FGGY: variants seen among roughly 807,000 people sequenced by gnomAD.
FGGY encodes FGGY carbohydrate kinase domain containing, also known as FGGY carbohydrate kinase domain-containing protein.
Under a neutral mutation model 71.3 loss-of-function variants are expected in FGGY, and 72 were observed. That is an observed-to-expected ratio of 1.01 (90% CI 0.84 to 1.23). The LOEUF (loss-of-function observed/expected upper bound fraction) is 1.23. Among genes scored for constraint, FGGY ranks in the 50% most tolerant of loss-of-function variants. The probability of loss-of-function intolerance (pLI) is 0.00; values close to 1 mark genes in which losing one functional copy is unlikely to be tolerated. For synonymous variants in FGGY, 251 were observed against 250.3 expected (o/e 1.00, Z -0.02); for missense variants, 668 against 682.3 (o/e 0.98, Z 0.23).
rs990855566 is a variant in FGGY at position 59,663,152 on chromosome 1, G to C, written c.1296+2859G>C. ...AAAGACGGTGCCTTGCCTACTGGTA[G>C]CTTAACACTGTAACCCTGTAAGTAG... On this transcript the variant is annotated intron_variant, in intron 12 of 15. Coordinates refer to ENST00000303721, the MANE Select transcript of FGGY (RefSeq NM_018291.5). 3.9e-5 allele frequency among the ~76,000 whole-genome samples: 6 copies of C among 152,174 alleles called. No homozygotes were observed. In the East Asian group the frequency reaches 9.6e-4, roughly 24 times the overall value.
chr1:59,723,882 T>A (rs2097917884), intron 14 of FGGY, among the ~76,000 whole-genome samples: 1 of 152,084 alleles, frequency 6.6e-6, no homozygotes, highest in African/African-American at 2.4e-5. Flanking sequence ...AAAAATCCCA[T>A]CTGGGCATGG....
At chr1:59,712,580 T>A (rs780466753) in intron 14 of FGGY, among the ~76,000 whole-genome samples, 1 of 152,244 alleles carries the variant, frequency 6.6e-6, no homozygotes, top group Non-Finnish European at 1.5e-5. Flanking sequence ...TTCTGAAATC[T>A]AGGCAGAGGT....
chr1:59,487,391 A>G (rs2093688300), intron 6 of FGGY, among the ~76,000 whole-genome samples: 2 of 152,110 alleles, frequency 1.3e-5, no homozygotes, highest in Non-Finnish European at 2.9e-5. Context: ...GATTGTAATT[A>G]TGGGTTAAAT....
intron 1 of FGGY, among the ~76,000 whole-genome samples, chr1:59,314,208 G>A (rs111493288): frequency 2.2e-3 from 338 of 152,132 alleles, no homozygotes; most frequent in Middle Eastern, 0.02. Flanking sequence ...CTTGTGATCC[G>A]CCCGTCTTGG....
chr1:59,377,465 T>A (rs748913937), intron 4 of FGGY, among the ~76,000 whole-genome samples: 23 of 152,190 alleles, frequency 1.5e-4, no homozygotes, highest in Non-Finnish European at 1.3e-4. Flanking sequence ...TGAGATCTTG[T>A]GAGAACTCAC....
intron 14 of FGGY, among the ~76,000 whole-genome samples, chr1:59,730,665 A>C (rs17557490): frequency 0.15 from 22,293 of 152,208 alleles, 2,153 homozygotes; most frequent in Admixed American, 0.29. Flanking sequence ...ATACAACTAA[A>C]ATAACAATAA....
At chr1:59,524,846 T>A (rs1043718158) in intron 7 of FGGY, among the ~76,000 whole-genome samples, 2 of 152,182 alleles carry the variant, frequency 1.3e-5, no homozygotes, top group African/African-American at 2.4e-5. Flanking sequence ...GGTTGTAGGA[T>A]AAGAACTCAG....
At chr1:59,425,151 G>A (rs2066127786) in intron 5 of FGGY, among the ~76,000 whole-genome samples, 1 of 152,148 alleles carries the variant, frequency 6.6e-6, no homozygotes. Flanking sequence ...ATAATGCCTA[G>A]CGTACATTAG....
At chr1:59,506,721 C>T in intron 6 of FGGY, among the ~76,000 whole-genome samples, 1 of 152,084 alleles carries the variant, frequency 6.6e-6, no homozygotes, top group East Asian at 1.9e-4. Context: ...ATCGCTTGAA[C>T]CTGGGAGGCA....
chr1:59,597,979 A>G (rs968059084), intron 8 of FGGY, among the ~76,000 whole-genome samples: 13 of 152,228 alleles, frequency 8.5e-5, no homozygotes, highest in Non-Finnish European at 1.6e-4. Context: ...CAACAGAGCT[A>G]AGACTGCAAC....
chr1:59,497,522 A>G (rs1437966586), intron 6 of FGGY, among the ~76,000 whole-genome samples: 13 of 152,216 alleles, frequency 8.5e-5, no homozygotes, highest in Admixed American at 7.9e-4. Flanking sequence ...CAGGAGGCAG[A>G]GGTTGCAGTA....
intron 2 of FGGY, among the ~76,000 whole-genome samples, chr1:59,323,121 T>C (rs562381220): frequency 6.6e-6 from 1 of 152,308 alleles, no homozygotes; most frequent in African/African-American, 2.4e-5. Context: ...CTCCCCTCCT[T>C]TCAGCCCCCA....
chr1:59,440,537 A>G (rs1402881569), intron 5 of FGGY, among the ~76,000 whole-genome samples: 2 of 151,684 alleles, frequency 1.3e-5, no homozygotes, highest in Admixed American at 6.6e-5. Context: ...ATAGATATTT[A>G]TGTATGTGGT....
At chr1:59,748,417 AT>A (rs2098217955) in intron 14 of FGGY, among the ~76,000 whole-genome samples, 1 of 152,166 alleles carries the variant, frequency 6.6e-6, no homozygotes, top group Non-Finnish European at 1.5e-5. Context: ...GAGAACCTAA[AT>A]CATATGGAAA....
intron 6 of FGGY, among the ~76,000 whole-genome samples, chr1:59,486,291 TG>T (rs950097979): frequency 3.3e-5 from 5 of 152,102 alleles, no homozygotes; most frequent in Non-Finnish European, 4.4e-5. Flanking sequence ...GGAGGGTTCT[TG>T]GTGCTTGATA....
chr1:59,300,193 G>T (rs1160988955), intron 1 of FGGY, among the ~76,000 whole-genome samples: 1 of 152,132 alleles, frequency 6.6e-6, no homozygotes, highest in African/African-American at 2.4e-5. Flanking sequence ...TTTGTTATAT[G>T]CATATATCTA....
intron 7 of FGGY, among the ~76,000 whole-genome samples, chr1:59,541,852 C>T (rs770825315): frequency 1.4e-4 from 21 of 152,196 alleles, no homozygotes; most frequent in Non-Finnish European, 2.8e-4. Context: ...ATGCTGTCAC[C>T]TACTGTCTTT....
At chr1:59,737,369 A>T (rs146963437) in intron 14 of FGGY, among the ~76,000 whole-genome samples, 246 of 152,332 alleles carry the variant, frequency 1.6e-3, no homozygotes, top group African/African-American at 5.7e-3. Context: ...CTGACAGCTT[A>T]CACCATGTGC....
chr1:59,503,041 G>A (rs899751638), intron 6 of FGGY, among the ~76,000 whole-genome samples: 1 of 152,170 alleles, frequency 6.6e-6, no homozygotes, highest in Non-Finnish European at 1.5e-5. Context: ...ACATGGTATA[G>A]TAGGAAGACG....
Sources: allele counts gnomAD v4.1 joint callset (sites outside exome capture counted in the v4.1 genomes callset), GRCh38; gene constraint gnomAD v4.1.1; transcripts MANE v1.5; gene names NCBI Gene and HGNC (gene_info 2026-07-23, HGNC 2026-07-21).